DIO2: variants seen among roughly 807,000 people sequenced by gnomAD.
DIO2 encodes type II iodothyronine deiodinase.
DIO2 carries 19 observed loss-of-function variants against 21.4 expected under a neutral mutation model. The observed-to-expected ratio is 0.89, with a 90% CI of 0.62 to 1.30. The LOEUF (loss-of-function observed/expected upper bound fraction) is 1.30, where lower values mean the gene tolerates loss of function less well. Among genes scored for constraint, DIO2 ranks in the 50% most tolerant of loss-of-function variants. DIO2 has a pLI of 0.00. For missense variants in DIO2, 302 were observed against 338.1 expected (o/e 0.89, Z 0.84); for synonymous variants, 122 against 132.9 (o/e 0.92, Z 0.57).
chr14:80,210,458 A>G (rs1888133416), intron 1 of DIO2, among the ~76,000 whole-genome samples: 1 of 152,236 alleles, frequency 6.6e-6, no homozygotes, highest in South Asian at 2.1e-4. Context: ...TCTAATGCTC[A>G]TAACAGCTCT....
At chr14:80,219,671 C>T (rs1888427793) in intron 2 of DIO2, among the ~76,000 whole-genome samples, 1 of 151,988 alleles carries the variant, frequency 6.6e-6, no homozygotes, top group Admixed American at 6.6e-5. Flanking sequence ...GAAGGCAACA[C>T]GATGCTTCCT....
At chr14:80,223,013 C>T (rs181843191) in intron 2 of DIO2, among the ~76,000 whole-genome samples, 2 of 152,038 alleles carry the variant, frequency 1.3e-5, no homozygotes, top group East Asian at 1.9e-4. Flanking sequence ...TGAAGCATAC[C>T]ACCATGCCTA....
At chr14:80,210,885 A>T (rs1354438484) in intron 1 of DIO2, among the ~76,000 whole-genome samples, 4 of 152,228 alleles carry the variant, frequency 2.6e-5, no homozygotes, top group African/African-American at 9.6e-5. Flanking sequence ...GCAAAAAATC[A>T]AAATTCCAGT....
Position 80,198,219 on chromosome 14 carries a change from G to C in DIO2, c.*4470C>G, listed in dbSNP as rs1887559278. The C allele has an allele frequency of 6.6e-6, 1 of 152,618 alleles. No homozygotes were observed. Among genetic ancestry groups the C allele is most frequent in the South Asian group, 2.1e-4 (1 of 4,830 alleles). 9.5% of individuals were successfully genotyped at this position (152,618 alleles called of 1,614,324 possible). ...CATCTGCTGGGTCTTCGAAGTCTCA[G>C]TAAATATTGAATAAGCTCCCTGGAG... is the stretch of plus-strand genomic sequence containing the variant. On this transcript the variant is annotated 3_prime_UTR_variant, in exon 2 of 2. Coordinates refer to ENST00000438257, the MANE Select transcript of DIO2 (RefSeq NM_013989.5).
rs1231858963 is a variant in DIO2 at position 80,201,670 on chromosome 14, GTATAATTA to G, written c.*1011_*1018del. The G allele has an allele frequency of 1.3e-5, 2 of 151,974 alleles. No individual in the cohort carries two copies. The highest frequency in any genetic ancestry group is 2.9e-5 in the Non-Finnish European group (2 of 68,018). 9.4% of individuals were successfully genotyped at this position (151,974 alleles called of 1,614,324 possible). ...GTTTTCCTTTAATAGGTATCATGGG[GTATAATTA>G]ACCCACTGAAAATATACATACCACA... On this transcript the variant is annotated 3_prime_UTR_variant, in exon 2 of 2. Coordinates refer to ENST00000438257, the MANE Select transcript of DIO2 (RefSeq NM_013989.5).
Position 80,211,329 on chromosome 14 carries a change from G to T in DIO2, c.144C>A (p.Arg48=). Residue 48 remains arginine, a synonymous_variant, in exon 1 of 2, where the codon CGC becomes CGA. Transcript: ENST00000438257. ...AGGTCAGCATGCGCCGCCACTCTCC[G>T]CGAGTGGACTTGGAGCGGCTCAACA... is the stretch of plus-strand genomic sequence containing the variant. The part of the protein sequence containing the change: ...VLLLSRSKST[R]GEWRRMLTSE... The T allele has an allele frequency of 1.2e-6, 2 of 1,613,722 alleles. No homozygotes were observed. The highest frequency in any genetic ancestry group is 1.1e-5 in the South Asian group (1 of 91,058).
chr14:80,199,297 G>A lies in DIO2; in HGVS notation c.*3392C>T, dbSNP rs189260678. 1 of 152,226 alleles carries A rather than the reference G, an allele frequency of 6.6e-6. No individual in the cohort carries two copies. Among genetic ancestry groups the A allele is most frequent in the Admixed American group, 6.5e-5 (1 of 15,278 alleles). 9.4% of individuals were successfully genotyped at this position (152,226 alleles called of 1,614,324 possible). A position where few individuals can be genotyped will look rare whatever the true frequency, so the allele number is the denominator to read the frequency against. ...TAGGCTATTCTTCCCACTGTGATGA[G>A]AGAATAAGCACTTCCTGGTTAACGG... On this transcript the variant is annotated 3_prime_UTR_variant, in exon 2 of 2. Coordinates refer to ENST00000438257, the MANE Select transcript of DIO2 (RefSeq NM_013989.5).
intron 2 of DIO2, among the ~76,000 whole-genome samples, chr14:80,222,538 G>T (rs992328667): frequency 2.6e-5 from 4 of 152,234 alleles, no homozygotes; most frequent in Non-Finnish European, 5.9e-5. Context: ...GCAAGACTCA[G>T]TTTATATTTA....
chr14:80,208,833 G>C (rs1036807095), intron 1 of DIO2, among the ~76,000 whole-genome samples: 1 of 152,206 alleles, frequency 6.6e-6, no homozygotes, highest in African/African-American at 2.4e-5. Flanking sequence ...CCATCATTCA[G>C]TTGCAGCTGT....
At chr14:80,213,110 G>A (rs187404762), upstream of DIO2, among the ~76,000 whole-genome samples, 374 of 152,250 alleles carry the variant, frequency 2.5e-3, 1 homozygote, top group African/African-American at 8.6e-3. Flanking sequence ...GTTAAGAGCC[G>A]ACTGAATTGG....
At chr14:80,213,196 A>G (rs1476002688), upstream of DIO2, among the ~76,000 whole-genome samples, 2 of 152,172 alleles carry the variant, frequency 1.3e-5, no homozygotes, top group Non-Finnish European at 2.9e-5. Context: ...TTAGGCAGAC[A>G]ATGCTTTGGC....
At position 80,227,662 on chromosome 14, in the gene DIO2, C is replaced by T. The variant is rs1445187405; in HGVS notation, c.-277-10925G>A. On this transcript the variant is annotated intron_variant, in intron 2 of 4. Coordinates refer to the DIO2 transcript ENST00000553594. ...AGGCTCCAAACAGCATCTCTATCTG[C>T]CACTAACACCTCAAGCATGATTGGA... Among the ~76,000 whole-genome samples, 4 of 152,328 alleles carry T rather than the reference C, an allele frequency of 2.6e-5. No individual in the cohort carries two copies. The East Asian group carries it at 7.7e-4, about 29-fold the overall frequency.
chr14:80,215,600 G>A (rs1888332430), upstream of DIO2, among the ~76,000 whole-genome samples: 1 of 152,148 alleles, frequency 6.6e-6, no homozygotes, highest in Admixed American at 6.5e-5. Flanking sequence ...GATTTGTCAA[G>A]TGCATAATTT....
At chr14:80,218,938 A>C (rs1195378817) in intron 2 of DIO2, among the ~76,000 whole-genome samples, 1 of 152,164 alleles carries the variant, frequency 6.6e-6, no homozygotes, top group Non-Finnish European at 1.5e-5. Context: ...AGATTGGGCC[A>C]CTGCACTCCA....
chr14:80,225,863 C>T (rs1326446186), intron 2 of DIO2, among the ~76,000 whole-genome samples: 1 of 152,184 alleles, frequency 6.6e-6, no homozygotes. Flanking sequence ...CTGTAACTCC[C>T]TTCTTAGCCT....
rs892563917 is a variant in DIO2 at position 80,200,844 on chromosome 14, C to A, written c.*1845G>T. 3 of 152,084 alleles carry A rather than the reference C, an allele frequency of 2.0e-5. No individual in the cohort carries two copies. The highest frequency in any genetic ancestry group is 4.4e-5 in the Non-Finnish European group (3 of 68,012). 9.4% of individuals were successfully genotyped at this position (152,084 alleles called of 1,614,324 possible). ...CCCATTTAAAAAATAAAATAAAATA[C>A]GTTTGGTTCTTGCACACCTAGTTCT... On this transcript the variant is annotated 3_prime_UTR_variant, in exon 2 of 2. Transcript: ENST00000438257.
intron 1 of DIO2, among the ~76,000 whole-genome samples, chr14:80,208,790 C>T (rs756548407): frequency 1.2e-4 from 18 of 152,200 alleles, no homozygotes; most frequent in Non-Finnish European, 1.8e-4. Context: ...ACAGAAACCA[C>T]CACCCTTGCC....
intron 1 of DIO2, chr14:80,206,314 T>C (rs758976363): frequency 5.1e-6 from 8 of 1,564,726 alleles, no homozygotes; most frequent in Non-Finnish European, 6.9e-6. Flanking sequence ...CCATCTTTGC[T>C]AAAACCTGAT....
intron 2 of DIO2, chr14:80,230,817 C>A (rs1247270593): frequency 1.3e-5 from 2 of 152,128 alleles, no homozygotes; most frequent in African/African-American, 2.4e-5. Flanking sequence ...AGAATCACTC[C>A]TGGTACCAAA....
Sources: allele counts gnomAD v4.1 joint callset (sites outside exome capture counted in the v4.1 genomes callset), GRCh38; gene constraint gnomAD v4.1.1; transcripts MANE v1.5; gene names NCBI Gene and HGNC (gene_info 2026-07-23, HGNC 2026-07-21).